Variants in XKR6 observed in about 807,000 individuals in gnomAD.
XKR6 encodes the protein XK related 6, also known as XK-related protein 6.
A neutral mutation model predicts 56.7 loss-of-function variants in XKR6; 22 were observed. The ratio of observed to expected loss-of-function variants is 0.39; its 90% confidence interval spans 0.28 to 0.55. XKR6 has a LOEUF of 0.55. XKR6 is among the 20% of genes least tolerant of loss of function. The probability of loss-of-function intolerance (pLI) is 0.66; values close to 1 mark genes in which losing one functional copy is unlikely to be tolerated. For missense variants in XKR6, 852 were observed against 889.0 expected, an observed-to-expected ratio of 0.96 and a Z score of 0.53; for synonymous variants, 524 against 387.8, an observed-to-expected ratio of 1.35 and a Z score of -4.13.
intron 1 of XKR6, among the ~76,000 whole-genome samples, chr8:11,100,427 CT>C (rs1798427494): frequency 6.6e-6 from 1 of 152,168 alleles, no homozygotes; most frequent in African/African-American, 2.4e-5. Context: ...ACACGGAGTC[CT>C]TAATTAAGAC....
chr8:11,003,000 GA>G (rs952833663), intron 1 of XKR6, among the ~76,000 whole-genome samples: 442 of 144,394 alleles, frequency 3.1e-3, no homozygotes, highest in African/African-American at 9.9e-3. Context: ...GGGGACCACT[GA>G]AAAAAAAAAA....
intron 1 of XKR6, among the ~76,000 whole-genome samples, chr8:11,059,737 C>G (rs1045829000): frequency 3.2e-4 from 48 of 150,678 alleles, no homozygotes; most frequent in Non-Finnish European, 6.7e-4. Flanking sequence ...CCGCGCCCCC[C>G]GGACCCCGCC....
intron 1 of XKR6, among the ~76,000 whole-genome samples, chr8:11,159,972 A>G (rs1452691536): frequency 6.6e-6 from 1 of 152,214 alleles, no homozygotes; most frequent in Non-Finnish European, 1.5e-5. Context: ...AATCAAGCCG[A>G]TAAAATAACC....
intron 1 of XKR6, among the ~76,000 whole-genome samples, chr8:11,168,904 C>T (rs190631526): frequency 6.6e-6 from 1 of 152,302 alleles, no homozygotes; most frequent in East Asian, 1.9e-4. Flanking sequence ...CTTCTGTGGG[C>T]ATGTACGCAG....
chr8:10,992,508 A>G (rs1007532572), intron 1 of XKR6, among the ~76,000 whole-genome samples: 1 of 152,204 alleles, frequency 6.6e-6, no homozygotes, highest in African/African-American at 2.4e-5. Flanking sequence ...TCCTTCAGAC[A>G]GTGAGAAACT....
At chr8:11,181,250 T>A (rs73530594) in intron 1 of XKR6, among the ~76,000 whole-genome samples, 9,845 of 152,272 alleles carry the variant, frequency 0.065, 1,040 homozygotes, top group African/African-American at 0.22. Flanking sequence ...CGTTTTTCAG[T>A]CAAAAGCTTA....
chr8:11,125,832 C>T (rs1799752326), intron 1 of XKR6: 1 of 152,260 alleles, frequency 6.6e-6, no homozygotes, highest in African/African-American at 2.4e-5. Flanking sequence ...ACGTCCAGGA[C>T]CCTCAGAATG....
chr8:10,941,037 G>T (rs894298827), intron 1 of XKR6, among the ~76,000 whole-genome samples: 12 of 152,224 alleles, frequency 7.9e-5, no homozygotes, highest in African/African-American at 2.9e-4. Context: ...ACCCAGGGAG[G>T]AGGTGAGGGG....
intron 1 of XKR6, chr8:11,128,683 G>T (rs910584481): frequency 5.3e-6 from 2 of 379,664 alleles, no homozygotes; most frequent in African/African-American, 2.1e-5. Context: ...AAATTACCCT[G>T]ATGTTGTTAA....
At chr8:11,007,006 G>C (rs961940918) in intron 1 of XKR6, among the ~76,000 whole-genome samples, 24 of 152,296 alleles carry the variant, frequency 1.6e-4, no homozygotes, top group South Asian at 4.1e-4. Flanking sequence ...ACCAAATTCT[G>C]GGTAATGGAC....
In XKR6 at chr8:11,108,191, A is replaced by C. The variant is rs1302042227; in HGVS notation, c.764+92385T>G. ...ATCTGTTCTGTTAAATGTCCACTAC[A>C]CTTATAAACAAATTAACCAAATTCA... On this transcript the variant is annotated intron_variant, in intron 1 of 2. Transcript: ENST00000416569. The C allele has an allele frequency of 1.1e-5, 5 of 440,718 alleles. No individual in the cohort carries two copies. In the East Asian group the frequency reaches 2.8e-4, roughly 25 times the overall value. 27.3% of individuals were successfully genotyped at this position (440,718 alleles called of 1,614,324 possible).
chr8:10,939,479 A>C (rs1031411825), intron 1 of XKR6, among the ~76,000 whole-genome samples: 1 of 152,196 alleles, frequency 6.6e-6, no homozygotes, highest in Non-Finnish European at 1.5e-5. Context: ...GCCCCTGGGG[A>C]CAAGCCAGCT....
intron 2 of XKR6, among the ~76,000 whole-genome samples, chr8:10,913,155 T>A (rs1800459095): frequency 6.7e-6 from 1 of 149,876 alleles, no homozygotes; most frequent in South Asian, 2.1e-4. Context: ...TATGTATATG[T>A]GTGTGTGTGT....
intron 1 of XKR6, among the ~76,000 whole-genome samples, chr8:11,008,889 C>G (rs1184515485): frequency 6.6e-6 from 1 of 152,144 alleles, no homozygotes; most frequent in African/African-American, 2.4e-5. Flanking sequence ...GCTCTTACAG[C>G]CTGGGTCCCA....
chr8:11,094,698 C>T (rs1460883490), intron 1 of XKR6, among the ~76,000 whole-genome samples: 4 of 152,132 alleles, frequency 2.6e-5, no homozygotes, highest in Non-Finnish European at 4.4e-5. Context: ...GATGACCACA[C>T]CTATCATCCT....
chr8:11,151,457 G>A (rs1242794865), intron 1 of XKR6, among the ~76,000 whole-genome samples: 1 of 152,114 alleles, frequency 6.6e-6, no homozygotes, highest in African/African-American at 2.4e-5. Context: ...TCTATTATTT[G>A]TTCTGTTGAG....
chr8:11,101,029 G>A (rs2898261), intron 1 of XKR6, among the ~76,000 whole-genome samples: 13 of 152,144 alleles, frequency 8.5e-5, no homozygotes, highest in South Asian at 2.1e-4. Context: ...CACGCACATC[G>A]GACGAAAGAG....
chr8:10,992,937 G>A (rs1042363963), intron 1 of XKR6, among the ~76,000 whole-genome samples: 1 of 152,204 alleles, frequency 6.6e-6, no homozygotes, highest in Admixed American at 6.5e-5. Context: ...TACCTGAGAA[G>A]GTCATAGAAT....
intron 1 of XKR6, among the ~76,000 whole-genome samples, chr8:11,177,156 C>T (rs1457854829): frequency 6.6e-6 from 1 of 152,212 alleles, no homozygotes; most frequent in Non-Finnish European, 1.5e-5. Context: ...AACGAGGGCA[C>T]ACCACACTTC....
Sources: gnomAD v4.1 joint callset for allele counts (sites outside exome capture counted in the v4.1 genomes callset) on GRCh38, gnomAD v4.1.1 for gene constraint, MANE v1.5 for transcripts, NCBI Gene and HGNC (gene_info 2026-07-23, HGNC 2026-07-21) for gene names.